The following ANKRD44 variants were observed in gnomAD, a reference collection of about 807,000 sequenced individuals.
The protein encoded by ANKRD44 is serine/threonine-protein phosphatase 6 regulatory ankyrin repeat subunit B.
ANKRD44 carries 35 observed loss-of-function variants against 116.0 expected under a neutral mutation model. The ratio of observed to expected loss-of-function variants is 0.30; its 90% CI spans 0.23 to 0.40. ANKRD44 has a LOEUF of 0.40. Among genes scored for constraint, ANKRD44 ranks in the 10% least tolerant of loss-of-function variants. ANKRD44 has a pLI of 1.00. For missense variants in ANKRD44, 1,014 were observed against 1,242.6 expected, an observed-to-expected ratio of 0.82 and a Z score of 2.77; for synonymous variants, 435 against 461.8, an observed-to-expected ratio of 0.94 and a Z score of 0.74.
At chr2:197,267,280 T>A (rs1268288739) in intron 1 of ANKRD44, among the ~76,000 whole-genome samples, 2 of 152,208 alleles carry the variant, frequency 1.3e-5, no homozygotes, top group Non-Finnish European at 2.9e-5. Flanking sequence ...CTAAAATCAC[T>A]CCAGAATCTT....
chr2:197,193,007 T>C (rs1399037229), intron 1 of ANKRD44, among the ~76,000 whole-genome samples: 1 of 152,162 alleles, frequency 6.6e-6, no homozygotes, highest in Non-Finnish European at 1.5e-5. Flanking sequence ...AGAAAAAACA[T>C]AAAATTCCAT....
chr2:197,182,776 C>A (rs2125586301), intron 2 of ANKRD44, among the ~76,000 whole-genome samples: 1 of 152,268 alleles, frequency 6.6e-6, no homozygotes, highest in East Asian at 1.9e-4. Flanking sequence ...TTTCATCCTG[C>A]CTTTGGTTGG....
intron 16 of ANKRD44, among the ~76,000 whole-genome samples, chr2:197,046,469 T>G (rs2077002659): frequency 6.6e-6 from 1 of 152,176 alleles, no homozygotes; most frequent in Non-Finnish European, 1.5e-5. Context: ...TATTCACTCC[T>G]ATCTCTGAAT....
chr2:197,278,741 C>A (rs1325657216), intron 1 of ANKRD44, among the ~76,000 whole-genome samples: 2 of 152,320 alleles, frequency 1.3e-5, no homozygotes, highest in South Asian at 4.1e-4. Context: ...ACCTCCCTAC[C>A]CACTTTCTCT....
chr2:197,121,694 T>C, intron 7 of ANKRD44, 150 bp from the exon 8 acceptor site: 1 of 717,902 alleles, frequency 1.4e-6, no homozygotes, highest in Admixed American at 2.6e-5. Context: ...AGTGTGGTCA[T>C]CTTGGGAATG....
At chr2:197,101,586 T>C (rs181927490) in intron 9 of ANKRD44, among the ~76,000 whole-genome samples, 166 of 152,286 alleles carry the variant, frequency 1.1e-3, no homozygotes, top group African/African-American at 3.8e-3. Context: ...GTAAATTTTA[T>C]GTTATGTATA....
chr2:197,241,126 C>T (rs1207577446), intron 1 of ANKRD44, among the ~76,000 whole-genome samples: 1 of 152,034 alleles, frequency 6.6e-6, no homozygotes, highest in Non-Finnish European at 1.5e-5. Flanking sequence ...ACCAAGAGAT[C>T]GGCCCTGAAA....
At chr2:196,989,907 T>A in intron 27 of ANKRD44, 3 of 1,152,114 alleles carry the variant, frequency 2.6e-6, no homozygotes, top group Non-Finnish European at 3.2e-6. Context: ...CAAAGGGTAG[T>A]TTCATACTAT....
At chr2:197,270,363 T>C (rs943245645) in intron 1 of ANKRD44, among the ~76,000 whole-genome samples, 1 of 152,042 alleles carries the variant, frequency 6.6e-6, no homozygotes, top group African/African-American at 2.4e-5. Context: ...ACTCATGAGA[T>C]CTGAGGAGGT....
chr2:197,287,126 G>T (rs544023299), intron 1 of ANKRD44, among the ~76,000 whole-genome samples: 5 of 152,254 alleles, frequency 3.3e-5, no homozygotes, highest in African/African-American at 1.2e-4. Context: ...GTTCATCGAT[G>T]GTAACAAATG....
chr2:197,048,058 C>T lies in ANKRD44; in HGVS notation c.1651-22791G>A, dbSNP rs551439051. ...CTTTGTTGAAATAGTTTTTGAGACT[C>T]CTTTAATAACTTACATCTTAACCCT... On this transcript the variant is annotated intron_variant, in intron 16 of 27. Coordinates refer to ENST00000282272, the MANE Select transcript of ANKRD44 (RefSeq NM_001195144.2). Among the ~76,000 whole-genome samples the T allele has an allele frequency of 7.2e-5, 11 of 152,180 alleles. No homozygotes were observed. In the South Asian group the frequency reaches 2.3e-3, roughly 32 times the overall value.
At chr2:197,237,585 T>C (rs1034869877) in intron 1 of ANKRD44, among the ~76,000 whole-genome samples, 12 of 152,148 alleles carry the variant, frequency 7.9e-5, no homozygotes, top group Admixed American at 2.6e-4. Flanking sequence ...TTCACACCCA[T>C]TGTCCACCCC....
chr2:197,122,514 C>A (rs907371687), intron 7 of ANKRD44, 136 bp downstream of exon 7: 71 of 1,224,178 alleles, frequency 5.8e-5, no homozygotes, highest in Non-Finnish European at 7.7e-5. Context: ...CAGTTGCCCA[C>A]AAAAACTCAA....
chr2:197,175,090 AG>A (rs1316792064), intron 2 of ANKRD44, among the ~76,000 whole-genome samples: 2 of 152,250 alleles, frequency 1.3e-5, no homozygotes, highest in Non-Finnish European at 2.9e-5. Context: ...TAATAAAAAA[AG>A]ATTTTTTTAA....
intron 17 of ANKRD44, among the ~76,000 whole-genome samples, chr2:197,021,824 G>A (rs149589689): frequency 2.0e-4 from 30 of 152,286 alleles, no homozygotes; most frequent in Non-Finnish European, 4.0e-4. Flanking sequence ...TCTTAAACGT[G>A]ATTAATTTCT....
At chr2:197,166,479 G>C (rs2080103632) in intron 2 of ANKRD44, among the ~76,000 whole-genome samples, 1 of 152,112 alleles carries the variant, frequency 6.6e-6, no homozygotes, top group Non-Finnish European at 1.5e-5. Context: ...ATGAAAGCGA[G>C]GAATATTGAA....
intron 16 of ANKRD44, among the ~76,000 whole-genome samples, chr2:197,075,573 A>G (rs1230186879): frequency 2.0e-5 from 3 of 152,226 alleles, no homozygotes; most frequent in African/African-American, 7.2e-5. Context: ...ACTGGCCTAA[A>G]TAGGTAGACT....
At chr2:196,999,873 G>A (rs547754815) in intron 23 of ANKRD44, among the ~76,000 whole-genome samples, 125 of 152,038 alleles carry the variant, frequency 8.2e-4, no homozygotes, top group Non-Finnish European at 1.6e-3. Context: ...GATTACAGGC[G>A]TGAGCCACTG....
At chr2:197,059,168 T>C (rs565712780) in intron 16 of ANKRD44, among the ~76,000 whole-genome samples, 60 of 152,204 alleles carry the variant, frequency 3.9e-4, no homozygotes, top group African/African-American at 1.4e-3. Flanking sequence ...GAAGGGCATG[T>C]AGCAGCTGAG....
Sources: allele counts gnomAD v4.1 joint callset (sites outside exome capture counted in the v4.1 genomes callset), GRCh38; gene constraint gnomAD v4.1.1; transcripts MANE v1.5; gene names NCBI Gene and HGNC (gene_info 2026-07-23, HGNC 2026-07-21).